The following SNTG2 variants were observed in gnomAD, a reference collection of about 807,000 sequenced individuals.
The protein encoded by SNTG2 is gamma-2-syntrophin.
Under a neutral mutation model 70.9 loss-of-function variants are expected in SNTG2, and 74 were observed. That is an observed-to-expected ratio of 1.04 (90% CI 0.86 to 1.27). The LOEUF is 1.27. SNTG2 is among the 50% of genes most tolerant of loss of function. SNTG2 has a pLI of 0.00. For missense variants in SNTG2, 717 were observed against 690.7 expected (o/e 1.04, Z -0.43); for synonymous variants, 278 against 273.8 (o/e 1.02, Z -0.15).
intron 16 of SNTG2, among the ~76,000 whole-genome samples, chr2:1,340,060 C>T (rs1303924493): frequency 6.6e-6 from 1 of 152,374 alleles, no homozygotes; most frequent in Admixed American, 6.5e-5. Context: ...CACCGAGGCA[C>T]TCGCCTCCCT....
At chr2:1,031,554 G>A (rs1198507668) in intron 1 of SNTG2, among the ~76,000 whole-genome samples, 42 of 59,364 alleles carry the variant, frequency 7.1e-4, no homozygotes, top group African/African-American at 3.4e-3. Flanking sequence ...TTTTTGAGGC[G>A]AAATCTCACT....
chr2:1,226,593 C>T (rs28485370), intron 9 of SNTG2, among the ~76,000 whole-genome samples: 1,781 of 152,180 alleles, frequency 0.012, 19 homozygotes, highest in African/African-American at 0.032. Context: ...AGGCTCACAC[C>T]GAGAGAAACG....
intron 2 of SNTG2, among the ~76,000 whole-genome samples, chr2:1,093,449 T>C (rs1436182132): frequency 6.6e-6 from 1 of 152,226 alleles, no homozygotes; most frequent in African/African-American, 2.4e-5. Context: ...AAGTTCCAGT[T>C]AGAAGCTGCA....
At chr2:979,458 C>T (rs138824759) in intron 1 of SNTG2, among the ~76,000 whole-genome samples, 8 of 152,200 alleles carry the variant, frequency 5.3e-5, no homozygotes, top group South Asian at 4.2e-4. Flanking sequence ...GCTTGCCCGT[C>T]GGGCTGTGCC....
intron 8 of SNTG2, among the ~76,000 whole-genome samples, chr2:1,182,747 TTTTGTTTG>T (rs1032228415): frequency 6.6e-6 from 1 of 152,116 alleles, no homozygotes; most frequent in East Asian, 1.9e-4. Flanking sequence ...TAATCAGTTT[TTTTGTTTG>T]TTTGTTTGCT....
At chr2:1,036,710 A>AT (rs1000921670) in intron 1 of SNTG2, among the ~76,000 whole-genome samples, 1 of 140,472 alleles carries the variant, frequency 7.1e-6, no homozygotes. Context: ...TTGTTCTGTG[A>AT]TTTTTTCCAG....
intron 16 of SNTG2, among the ~76,000 whole-genome samples, chr2:1,363,769 A>G (rs1368915335): frequency 6.6e-6 from 1 of 152,254 alleles, no homozygotes; most frequent in Non-Finnish European, 1.5e-5. Flanking sequence ...CAGAGATATC[A>G]TGACTCAGCT....
intron 9 of SNTG2, among the ~76,000 whole-genome samples, chr2:1,225,614 G>C (rs1391250988): frequency 6.6e-6 from 1 of 152,174 alleles, no homozygotes; most frequent in Non-Finnish European, 1.5e-5. Context: ...GCGGCTCTTT[G>C]AGCCAGCGCT....
intron 6 of SNTG2, among the ~76,000 whole-genome samples, chr2:1,149,221 C>CACACAA (rs1669305504): frequency 1.3e-5 from 2 of 151,190 alleles, no homozygotes; most frequent in African/African-American, 4.9e-5. Flanking sequence ...GAGAGAGACA[C>CACACAA]ACACACACGG....
intron 2 of SNTG2, among the ~76,000 whole-genome samples, chr2:1,092,167 G>C (rs1665068894): frequency 6.6e-6 from 1 of 152,112 alleles, no homozygotes; most frequent in South Asian, 2.1e-4. Context: ...TCTTTCATGT[G>C]TGGGTGTGAA....
rs572128267 is a variant in SNTG2, at chr2:989,027, A to G, written c.72+37959A>G. On this transcript the variant is annotated intron_variant, in intron 1 of 16. Coordinates refer to ENST00000308624, the MANE Select transcript of SNTG2 (RefSeq NM_018968.4). ...AATTTTTTTAAATTTCAGTTTTCAA[A>G]TATTTCCTATTGTTACCATACATAA... is the stretch of plus-strand genomic sequence containing the variant. Among the ~76,000 whole-genome samples, 4 of 152,264 alleles carry G rather than the reference A, an allele frequency of 2.6e-5. No homozygotes were observed. In the East Asian group the frequency reaches 7.7e-4, roughly 29 times the overall value.
intron 1 of SNTG2, among the ~76,000 whole-genome samples, chr2:968,321 G>GCC (rs10641028): frequency 0.34 from 51,734 of 151,870 alleles, 9,539 homozygotes; most frequent in Middle Eastern, 0.46. Context: ...CTGTGGTGAT[G>GCC]CCCCTTTTCC....
intron 1 of SNTG2, among the ~76,000 whole-genome samples, chr2:1,077,726 TA>T (rs1394880453): frequency 3.9e-5 from 6 of 152,204 alleles, no homozygotes; most frequent in African/African-American, 1.4e-4. Context: ...CACAGGTTTT[TA>T]TTTTGTTTTT....
chr2:1,184,466 C>A (rs1572672879), intron 8 of SNTG2, among the ~76,000 whole-genome samples: 3 of 152,194 alleles, frequency 2.0e-5, no homozygotes, highest in Admixed American at 2.0e-4. Context: ...AAAGAAGTAC[C>A]AGAAACTGGG....
rs532464347 is a variant in SNTG2 at position 1,057,308 on chromosome 2, T to C, written c.73-26210T>C. On this transcript the variant is annotated intron_variant, in intron 1 of 16. Coordinates refer to ENST00000308624, the MANE Select transcript of SNTG2 (RefSeq NM_018968.4). ...TTCATATTCCTGATTCTCTTCTGTA[T>C]GCCTGAAAGGAGAGTTGGTGTATTA... Among the ~76,000 whole-genome samples, 3 of 152,278 alleles carry C rather than the reference T, an allele frequency of 2.0e-5. No homozygotes were observed. The South Asian group carries it at 6.2e-4, about 32-fold the overall frequency.
chr2:1,260,212 G>T (rs946704429), intron 13 of SNTG2, among the ~76,000 whole-genome samples: 20 of 152,208 alleles, frequency 1.3e-4, no homozygotes, highest in Non-Finnish European at 7.4e-5. Flanking sequence ...GTCTTTCAAA[G>T]TTTGGTTTGT....
chr2:1,142,491 G>C (rs1668823278), intron 6 of SNTG2, among the ~76,000 whole-genome samples: 1 of 101,610 alleles, frequency 9.8e-6, no homozygotes, highest in Admixed American at 1.0e-4. Context: ...TCCTCACTTA[G>C]GGTTTTTTCA....
intron 16 of SNTG2, among the ~76,000 whole-genome samples, chr2:1,347,643 A>T (rs900511094): frequency 6.6e-6 from 1 of 152,160 alleles, no homozygotes; most frequent in Admixed American, 6.5e-5. Context: ...TCCTTGGCCA[A>T]GGCCATGTGA....
At chr2:1,006,629 G>A (rs985079312) in intron 1 of SNTG2, among the ~76,000 whole-genome samples, 3 of 152,306 alleles carry the variant, frequency 2.0e-5, no homozygotes, top group African/African-American at 4.8e-5. Flanking sequence ...CTGTACTTAT[G>A]TATAGACTTT....
Sources: gnomAD v4.1 joint callset for allele counts (sites outside exome capture counted in the v4.1 genomes callset) on GRCh38, gnomAD v4.1.1 for gene constraint, MANE v1.5 for transcripts, NCBI Gene and HGNC (gene_info 2026-07-23, HGNC 2026-07-21) for gene names.